ZSWIM6: variants seen among roughly 807,000 people sequenced by gnomAD.
ZSWIM6 encodes zinc finger SWIM-type containing 6, also known as zinc finger SWIM domain-containing protein 6.
Under a neutral mutation model 113.2 loss-of-function variants are expected in ZSWIM6, and 9 were observed. The ratio of observed to expected loss-of-function variants is 0.08; its 90% CI spans 0.05 to 0.14. The LOEUF (loss-of-function observed/expected upper bound fraction) is 0.14, where lower values mean the gene tolerates loss of function less well. Ranked by LOEUF, ZSWIM6 falls within the 10% of genes least tolerant of loss-of-function variation. ZSWIM6 has a pLI of 1.00. For synonymous variants in ZSWIM6, 611 were observed against 606.5 expected (o/e 1.01, Z -0.11); for missense variants, 1,162 against 1,552.2 (o/e 0.75, Z 4.22).
chr5:61,372,262 A>AC (rs1392363674), intron 1 of ZSWIM6, among the ~76,000 whole-genome samples: 3 of 150,674 alleles, frequency 2.0e-5, no homozygotes, highest in Non-Finnish European at 4.4e-5. Flanking sequence ...GAGCCTTTCT[A>AC]CCCCATTCTT....
rs1188822501 is a variant in ZSWIM6, at chr5:61,505,656, T to C, written c.1333+11246T>C. On this transcript the variant is annotated intron_variant, in intron 4 of 13. Transcript: ENST00000252744. The stretch of plus-strand genomic sequence containing the variant: ...CTTCCTTCCTTCCTTCCTTCCTTCC[T>C]TCCTTCCTTCCTTCCTTCTTTCCTT... 6.9e-4 allele frequency among the ~76,000 whole-genome samples: 75 copies of C among 107,976 alleles called. 1 individual carries two copies. Among genetic ancestry groups the C allele is most frequent in the Admixed American group, 1.2e-3 (14 of 11,634 alleles). The allele number at this position is 107,976 out of a possible 152,430, so 70.8% of individuals were successfully genotyped here. A position where few individuals can be genotyped will look rare whatever the true frequency, so the allele number is the denominator to read the frequency against.
chr5:61,353,261 C>T (rs1261675957), intron 1 of ZSWIM6, among the ~76,000 whole-genome samples: 5 of 152,136 alleles, frequency 3.3e-5, no homozygotes, highest in Non-Finnish European at 7.4e-5. Context: ...TGTTGCAGCT[C>T]AACATATTGA....
chr5:61,351,041 AAAAT>A (rs756132581), intron 1 of ZSWIM6, among the ~76,000 whole-genome samples: 7 of 152,238 alleles, frequency 4.6e-5, no homozygotes, highest in Non-Finnish European at 8.8e-5. Flanking sequence ...TTGTTTTAAA[AAAAT>A]CTGTCTCATT....
chr5:61,485,643 T>G (rs1747998477), intron 2 of ZSWIM6, among the ~76,000 whole-genome samples: 1 of 152,188 alleles, frequency 6.6e-6, no homozygotes, highest in Non-Finnish European at 1.5e-5. Context: ...TCTTGTTGCA[T>G]TTATGAAATC....
intron 1 of ZSWIM6, among the ~76,000 whole-genome samples, chr5:61,363,063 C>A (rs1745064877): frequency 6.6e-6 from 1 of 152,216 alleles, no homozygotes; most frequent in African/African-American, 2.4e-5. Context: ...TTGAAAAACA[C>A]TGTTCTTGAG....
intron 1 of ZSWIM6, among the ~76,000 whole-genome samples, chr5:61,379,696 T>G (rs1745439598): frequency 6.6e-6 from 1 of 152,212 alleles, no homozygotes; most frequent in African/African-American, 2.4e-5. Flanking sequence ...ACTCACTGTT[T>G]ATGGAGTATC....
Position 61,355,968 on chromosome 5 carries a change from T to C in ZSWIM6, c.676+23020T>C, listed in dbSNP as rs540111542. Among the ~76,000 whole-genome samples, 14 of 152,360 alleles carry C rather than the reference T, an allele frequency of 9.2e-5. 1 individual carries two copies. The East Asian group carries it at 2.5e-3, about 27-fold the overall frequency. ...GTCTCTAGGCCCTTTGGTCTCATAA[T>C]AAGTTCTTTCTGTTTATGTATACAA... On this transcript the variant is annotated intron_variant, in intron 1 of 13. Transcript: ENST00000252744.
intron 1 of ZSWIM6, among the ~76,000 whole-genome samples, chr5:61,451,344 T>A (rs950162678): frequency 1.3e-5 from 2 of 152,220 alleles, no homozygotes; most frequent in Non-Finnish European, 1.5e-5. Flanking sequence ...TGATCCTATT[T>A]AAGTATATTA....
chr5:61,458,603 C>T (rs116816896), intron 1 of ZSWIM6, among the ~76,000 whole-genome samples: 1,641 of 152,102 alleles, frequency 0.011, 22 homozygotes, highest in African/African-American at 0.036. Flanking sequence ...CCAGGCTGGA[C>T]GCCGTGGCTC....
chr5:61,372,964 AC>A (rs1745298048), intron 1 of ZSWIM6, among the ~76,000 whole-genome samples: 1 of 152,168 alleles, frequency 6.6e-6, no homozygotes. Flanking sequence ...TATAAATTAT[AC>A]AAGTCATACA....
intron 1 of ZSWIM6, among the ~76,000 whole-genome samples, chr5:61,353,347 T>G (rs1744830250): frequency 6.6e-6 from 1 of 152,218 alleles, no homozygotes; most frequent in African/African-American, 2.4e-5. Context: ...GAGGAGAAGG[T>G]ATTCTCATTC....
At chr5:61,468,771 T>C (rs1747497561) in intron 1 of ZSWIM6, among the ~76,000 whole-genome samples, 1 of 152,154 alleles carries the variant, frequency 6.6e-6, no homozygotes, top group Non-Finnish European at 1.5e-5. Context: ...CCACAGAGAA[T>C]GAGTTGGTAG....
At chr5:61,385,834 A>G (rs1324050452) in intron 1 of ZSWIM6, among the ~76,000 whole-genome samples, 1 of 152,208 alleles carries the variant, frequency 6.6e-6, no homozygotes, top group African/African-American at 2.4e-5. Flanking sequence ...TCTTTCGAAT[A>G]GAGGCAAACA....
rs188085385 is a variant in ZSWIM6, at chr5:61,430,200, G to T, written c.677-42481G>T. On this transcript the variant is annotated intron_variant, in intron 1 of 13. Coordinates refer to ENST00000252744, the MANE Select transcript of ZSWIM6 (RefSeq NM_020928.2). Reference sequence around the variant, plus strand: ...TAAGCAGGAAGAAGAAAGGTGGGAGGTGGCCTGAGGAGAGTAGCACTGAGA... The same window carrying T: ...TAAGCAGGAAGAAGAAAGGTGGGAGTTGGCCTGAGGAGAGTAGCACTGAGA... Among the ~76,000 whole-genome samples, 72 of 152,062 alleles carry T rather than the reference G, an allele frequency of 4.7e-4. 1 individual carries two copies. Among genetic ancestry groups the T allele is most frequent in the African/African-American group, 1.7e-3 (70 of 41,476 alleles).
chr5:61,391,118 C>A, intron 1 of ZSWIM6: 1 of 756,368 alleles, frequency 1.3e-6, no homozygotes. Context: ...CCAGTACAGG[C>A]CACTTTGCAC....
chr5:61,398,478 G>A (rs1034874597), intron 1 of ZSWIM6, among the ~76,000 whole-genome samples: 11 of 152,096 alleles, frequency 7.2e-5, no homozygotes, highest in African/African-American at 2.7e-4. Flanking sequence ...TATAGCATCA[G>A]CTCTCCTTGA....
intron 1 of ZSWIM6, among the ~76,000 whole-genome samples, chr5:61,440,361 A>G (rs1256556221): frequency 2.3e-4 from 5 of 21,698 alleles, no homozygotes; most frequent in East Asian, 2.0e-3. Flanking sequence ...TCATTGGTGT[A>G]AAAAAAAAAA....
intron 1 of ZSWIM6, chr5:61,375,793 C>G: frequency 7.0e-7 from 1 of 1,430,154 alleles, no homozygotes; most frequent in Non-Finnish European, 9.6e-7. Flanking sequence ...GAAAAAGAAG[C>G]ATAAGAAACA....
intron 1 of ZSWIM6, among the ~76,000 whole-genome samples, chr5:61,408,024 A>C (rs956154564): frequency 2.0e-5 from 3 of 152,238 alleles, no homozygotes; most frequent in Admixed American, 6.5e-5. Flanking sequence ...AAAGACAGTC[A>C]TACAAGATTT....
Sources: gnomAD v4.1 joint callset for allele counts (sites outside exome capture counted in the v4.1 genomes callset) on GRCh38, gnomAD v4.1.1 for gene constraint, MANE v1.5 for transcripts, NCBI Gene and HGNC (gene_info 2026-07-23, HGNC 2026-07-21) for gene names.